Variants in NRXN1 observed in about 807,000 individuals in gnomAD.
The protein encoded by NRXN1 is neurexin 1.
Under a neutral mutation model 150.9 loss-of-function variants are expected in NRXN1, and 39 were observed. The observed-to-expected ratio is 0.26, with a 90% CI of 0.20 to 0.34. NRXN1 has a LOEUF of 0.34. NRXN1 is among the 10% of genes least tolerant of loss of function. The probability of loss-of-function intolerance (pLI) is 1.00; values close to 1 mark genes in which losing one functional copy is unlikely to be tolerated. For missense variants in NRXN1, 1,815 were observed against 1,949.9 expected, an observed-to-expected ratio of 0.93 and a Z score of 1.30; for synonymous variants, 924 against 757.0, an observed-to-expected ratio of 1.22 and a Z score of -3.62.
chr2:50,762,716 CA>C (rs1474959028), intron 5 of NRXN1, among the ~76,000 whole-genome samples: 1 of 151,878 alleles, frequency 6.6e-6, no homozygotes, highest in Non-Finnish European at 1.5e-5. Context: ...ATATATGCAC[CA>C]GATTTTCTTT....
At chr2:50,804,396 AT>A (rs1667242061) in intron 5 of NRXN1, among the ~76,000 whole-genome samples, 2 of 152,234 alleles carry the variant, frequency 1.3e-5, no homozygotes, top group Non-Finnish European at 2.9e-5. Context: ...TCATAAAACT[AT>A]GAAAAACATA....
At chr2:50,455,540 G>T (rs933233913) in intron 17 of NRXN1, among the ~76,000 whole-genome samples, 12 of 152,260 alleles carry the variant, frequency 7.9e-5, no homozygotes, top group Middle Eastern at 3.4e-3. Flanking sequence ...GTCAATAAAA[G>T]AAATGTGCCT....
At position 50,823,111 on chromosome 2, in the gene NRXN1, A is replaced by G. The variant is rs147278866; in HGVS notation, c.832+98758T>C. On this transcript the variant is annotated intron_variant, in intron 5 of 22. Coordinates refer to ENST00000401669, the MANE Select transcript of NRXN1 (RefSeq NM_001330078.2). Reference sequence around the variant, plus strand: ...ATTCCAGGAACCTCTTTGAGTTGTCATTTTAATTATTTGCATATTAAGATC... The same window carrying G: ...ATTCCAGGAACCTCTTTGAGTTGTCGTTTTAATTATTTGCATATTAAGATC... Among the ~76,000 whole-genome samples the G allele has an allele frequency of 5.1e-4, 78 of 152,314 alleles. 7 individuals carry two copies. The highest frequency in any genetic ancestry group is 4.0e-3 in the East Asian group (21 of 5,186).
In NRXN1 at chr2:50,327,804, C is replaced by G. The variant is rs559879729; in HGVS notation, c.3365-90834G>C. Among the ~76,000 whole-genome samples the G allele has an allele frequency of 1.6e-4, 25 of 152,086 alleles. No individual in the cohort carries two copies. In the East Asian group the frequency reaches 4.3e-3, roughly 26 times the overall value. ...AGCTGGGATTACAGGCATGAGCCACCTTGCCTGGCTAATTTTTGTATTTTT... is the reference window on the plus strand; with the variant it reads ...AGCTGGGATTACAGGCATGAGCCACGTTGCCTGGCTAATTTTTGTATTTTT... On this transcript the variant is annotated intron_variant, in intron 17 of 22. Coordinates refer to ENST00000401669, the MANE Select transcript of NRXN1 (RefSeq NM_001330078.2).
chr2:50,522,720 A>AT lies in NRXN1; in HGVS notation c.2374+5904dup, dbSNP rs869200431. ...TCCATTTATTCATTTATTTTTATTCATTTTTTTTTTTTTTTTTTTTTTTTT... is the reference window on the plus strand; with the variant it reads ...TCCATTTATTCATTTATTTTTATTCATTTTTTTTTTTTTTTTTTTTTTTTTT... On this transcript the variant is annotated intron_variant, in intron 12 of 22. Coordinates refer to ENST00000401669, the MANE Select transcript of NRXN1 (RefSeq NM_001330078.2). 9.3e-3 allele frequency among the ~76,000 whole-genome samples: 445 copies of AT among 47,746 alleles called. 29 individuals are homozygous for AT. The highest frequency in any genetic ancestry group is 0.079 in the Middle Eastern group (3 of 38). 31.3% of individuals were successfully genotyped at this position (47,746 alleles called of 152,430 possible).
rs141552266 is a variant in NRXN1 at position 50,638,473 on chromosome 2, T to A, written c.833-14858A>T. Among the ~76,000 whole-genome samples the A allele has an allele frequency of 7.9e-5, 12 of 152,252 alleles. No homozygotes were observed. The East Asian group carries it at 2.1e-3, about 27-fold the overall frequency. On this transcript the variant is annotated intron_variant, in intron 5 of 22. Transcript: ENST00000401669. ...AGAAGCAATCAAAAAGCAGAGCACA[T>A]TGTCACTACTTAGTTTGGAAGCAAT...
At chr2:50,358,106 G>A (rs1371440141) in intron 17 of NRXN1, among the ~76,000 whole-genome samples, 2 of 152,126 alleles carry the variant, frequency 1.3e-5, no homozygotes, top group African/African-American at 2.4e-5. Context: ...ATTCCCTCTG[G>A]TGCCTACACC....
chr2:50,749,111 G>C (rs1212528474), intron 5 of NRXN1, among the ~76,000 whole-genome samples: 1 of 151,970 alleles, frequency 6.6e-6, no homozygotes, highest in African/African-American at 2.4e-5. Context: ...AAACGTATAA[G>C]TCTGTTTTAT....
chr2:50,669,907 T>C (rs1688599510), intron 5 of NRXN1, among the ~76,000 whole-genome samples: 1 of 151,644 alleles, frequency 6.6e-6, no homozygotes, highest in African/African-American at 2.4e-5. Context: ...ACCTCAAATT[T>C]AGAATAGTAA....
chr2:51,009,601 G>A (rs1286373846), intron 2 of NRXN1, among the ~76,000 whole-genome samples: 1 of 151,932 alleles, frequency 6.6e-6, no homozygotes, highest in African/African-American at 2.4e-5. Context: ...ACATACATGT[G>A]TATGAAGTAG....
intron 18 of NRXN1, among the ~76,000 whole-genome samples, chr2:50,135,728 A>G (rs1350216364): frequency 6.6e-6 from 1 of 151,596 alleles, no homozygotes; most frequent in African/African-American, 2.4e-5. Context: ...AAACAAAACA[A>G]AAAAAGAAGC....
intron 17 of NRXN1, among the ~76,000 whole-genome samples, chr2:50,434,235 A>G (rs1304479312): frequency 6.7e-6 from 1 of 149,936 alleles, no homozygotes; most frequent in Non-Finnish European, 1.5e-5. Context: ...AATTTTTTGT[A>G]TTTTTTGTTG....
chr2:49,947,907 A>G (rs1673237247), intron 21 of NRXN1, among the ~76,000 whole-genome samples: 1 of 151,994 alleles, frequency 6.6e-6, no homozygotes, highest in East Asian at 1.9e-4. Context: ...ATTATTATCA[A>G]CTTTTTTCAA....
chr2:50,628,833 A>G (rs1253475899), intron 5 of NRXN1, among the ~76,000 whole-genome samples: 1 of 151,770 alleles, frequency 6.6e-6, no homozygotes, highest in African/African-American at 2.4e-5. Flanking sequence ...ACAACAAAAA[A>G]CAAAAACGCA....
intron 5 of NRXN1, among the ~76,000 whole-genome samples, chr2:50,905,972 T>A (rs1302028437): frequency 1.2e-4 from 19 of 152,110 alleles, no homozygotes; most frequent in Admixed American, 1.2e-3. Context: ...CTAGACTAAG[T>A]TTATTAAGAC....
chr2:50,644,070 TA>T (rs1374141081), intron 5 of NRXN1, among the ~76,000 whole-genome samples: 1 of 151,768 alleles, frequency 6.6e-6, no homozygotes, highest in Non-Finnish European at 1.5e-5. Flanking sequence ...CCTAAAGTGT[TA>T]TTATTTTCTT....
At chr2:50,724,373 T>C (rs1697054355) in intron 5 of NRXN1, among the ~76,000 whole-genome samples, 1 of 152,184 alleles carries the variant, frequency 6.6e-6, no homozygotes, top group Admixed American at 6.5e-5. Context: ...ATTATTTGGG[T>C]AAATATTTCT....
chr2:50,265,552 G>A (rs535172326), intron 17 of NRXN1, among the ~76,000 whole-genome samples: 1 of 152,258 alleles, frequency 6.6e-6, no homozygotes, highest in African/African-American at 2.4e-5. Context: ...CTAGTTCCTG[G>A]ACAGAATGCC....
chr2:49,955,650 A>G (rs533943296), intron 21 of NRXN1, among the ~76,000 whole-genome samples: 1 of 151,966 alleles, frequency 6.6e-6, no homozygotes, highest in Non-Finnish European at 1.5e-5. Flanking sequence ...AACTATCTCT[A>G]TCTCTTACAA....
Sources: allele counts gnomAD v4.1 joint callset (sites outside exome capture counted in the v4.1 genomes callset), GRCh38; gene constraint gnomAD v4.1.1; transcripts MANE v1.5; gene names NCBI Gene and HGNC (gene_info 2026-07-23, HGNC 2026-07-21).